ADGRL3: variants seen among roughly 807,000 people sequenced by gnomAD.
ADGRL3 encodes the protein calcium-independent alpha-latrotoxin receptor 3.
ADGRL3 carries 62 observed loss-of-function variants against 153.5 expected under a neutral mutation model. The ratio of observed to expected loss-of-function variants is 0.40; its 90% CI spans 0.33 to 0.50. ADGRL3 has a LOEUF of 0.50. ADGRL3 is among the 20% of genes least tolerant of loss of function. The pLI is 0.47. For synonymous variants in ADGRL3, 710 were observed against 672.5 expected, an observed-to-expected ratio of 1.06 and a Z score of -0.86; for missense variants, 1,641 against 1,859.4, an observed-to-expected ratio of 0.88 and a Z score of 2.16.
intron 2 of ADGRL3, among the ~76,000 whole-genome samples, chr4:61,423,439 A>G (rs1356581224): frequency 6.6e-6 from 1 of 152,228 alleles, no homozygotes; most frequent in East Asian, 1.9e-4. Context: ...GGGAAAGTGT[A>G]TAGGAGTTTA....
chr4:61,954,644 C>T (rs2098959485), intron 17 of ADGRL3, among the ~76,000 whole-genome samples: 1 of 151,984 alleles, frequency 6.6e-6, no homozygotes, highest in Non-Finnish European at 1.5e-5. Flanking sequence ...CTGCTCTAGC[C>T]ACTGGCCTCC....
At chr4:61,631,498 T>C (rs2093164073) in intron 5 of ADGRL3, among the ~76,000 whole-genome samples, 1 of 152,174 alleles carries the variant, frequency 6.6e-6, no homozygotes, top group Non-Finnish European at 1.5e-5. Flanking sequence ...AAGACTGGTG[T>C]TGTATAGATC....
intron 17 of ADGRL3, among the ~76,000 whole-genome samples, chr4:61,949,964 G>A (rs1233649643): frequency 6.6e-6 from 1 of 152,018 alleles, no homozygotes; most frequent in Admixed American, 6.6e-5. Context: ...ATATTTCATT[G>A]TGGAAAGAAA....
intron 5 of ADGRL3, among the ~76,000 whole-genome samples, chr4:61,639,872 A>C (rs1246533593): frequency 6.6e-6 from 1 of 152,148 alleles, no homozygotes; most frequent in East Asian, 1.9e-4. Flanking sequence ...CTAGATTTCT[A>C]CTTAGTCTTT....
intron 1 of ADGRL3, among the ~76,000 whole-genome samples, chr4:61,240,428 G>T (rs893538116): frequency 2.0e-5 from 3 of 152,046 alleles, no homozygotes; most frequent in African/African-American, 7.2e-5. Flanking sequence ...GATCTTGCAA[G>T]ATTTCATTGT....
chr4:62,065,102 C>T (rs572404161), intron 25 of ADGRL3, among the ~76,000 whole-genome samples: 43 of 152,132 alleles, frequency 2.8e-4, no homozygotes, highest in African/African-American at 1.0e-3. Flanking sequence ...ATTGTTGAAA[C>T]ACTCCATTTG....
At chr4:61,475,808 T>G (rs558123781) in intron 2 of ADGRL3, among the ~76,000 whole-genome samples, 37 of 152,296 alleles carry the variant, frequency 2.4e-4, no homozygotes, top group African/African-American at 8.7e-4. Context: ...ATGCATTTAG[T>G]GCTGAAACCT....
At chr4:61,518,503 T>C (rs751630971) in intron 4 of ADGRL3, among the ~76,000 whole-genome samples, 3 of 152,220 alleles carry the variant, frequency 2.0e-5, no homozygotes, top group Non-Finnish European at 4.4e-5. Flanking sequence ...TGGAATACTT[T>C]GTTTCAGTCA....
intron 11 of ADGRL3, among the ~76,000 whole-genome samples, chr4:61,904,759 G>T (rs115395640): frequency 0.014 from 2,073 of 151,760 alleles, 53 homozygotes; most frequent in African/African-American, 0.048. Flanking sequence ...GACTAATTTT[G>T]CTATTCATAA....
At chr4:61,760,096 T>C (rs1368206120) in intron 8 of ADGRL3, among the ~76,000 whole-genome samples, 2 of 151,472 alleles carry the variant, frequency 1.3e-5, no homozygotes, top group African/African-American at 2.4e-5. Flanking sequence ...CCAGTTAGGC[T>C]ACTCAGGGGT....
At chr4:61,970,164 T>C (rs2099021701) in intron 17 of ADGRL3, among the ~76,000 whole-genome samples, 1 of 152,154 alleles carries the variant, frequency 6.6e-6, no homozygotes, top group African/African-American at 2.4e-5. Flanking sequence ...TCACAGTGTT[T>C]TATAGAATTA....
intron 2 of ADGRL3, among the ~76,000 whole-genome samples, chr4:61,485,577 A>T (rs781170017): frequency 6.6e-6 from 1 of 152,188 alleles, no homozygotes; most frequent in African/African-American, 2.4e-5. Flanking sequence ...AAACTATGTT[A>T]TGTTAACCTA....
Position 61,517,309 on chromosome 4 carries a change from C to T in ADGRL3, c.56-6C>T, listed in dbSNP as rs927607905. On this transcript the variant is annotated splice_region_variant and splice_polypyrimidine_tract_variant and intron_variant, in intron 3 of 26. Transcript: ENST00000683033. ...GGTCTGATGGTGCGCCCTGCGGTCCCCGCAGGTGGCAAGCACAGTGAACGA... is the reference window on the plus strand; with the variant it reads ...GGTCTGATGGTGCGCCCTGCGGTCCTCGCAGGTGGCAAGCACAGTGAACGA... 1 of 702,360 alleles carries T rather than the reference C, an allele frequency of 1.4e-6. No homozygotes were observed. Among genetic ancestry groups the T allele is most frequent in the African/African-American group, 1.7e-5 (1 of 57,248 alleles). The allele number at this position is 702,360 out of a possible 1,614,324, so 43.5% of individuals were successfully genotyped here. A position where few individuals can be genotyped will look rare whatever the true frequency, so the allele number is the denominator to read the frequency against.
intron 1 of ADGRL3, among the ~76,000 whole-genome samples, chr4:61,255,137 C>G (rs1347429029): frequency 6.6e-6 from 1 of 152,140 alleles, no homozygotes; most frequent in Non-Finnish European, 1.5e-5. Flanking sequence ...CTGCTAAATT[C>G]ATTTGTTGCT....
chr4:61,379,374 T>C (rs1489311196), intron 1 of ADGRL3, among the ~76,000 whole-genome samples: 1 of 152,076 alleles, frequency 6.6e-6, no homozygotes, highest in African/African-American at 2.4e-5. Flanking sequence ...TACTTCTTTT[T>C]ACAAATCATA....
At chr4:61,280,399 G>A (rs1379481262) in intron 1 of ADGRL3, among the ~76,000 whole-genome samples, 2 of 128,214 alleles carry the variant, frequency 1.6e-5, no homozygotes, top group South Asian at 2.9e-4. Context: ...GAGCCACTGC[G>A]CCTGGCCTTT....
intron 5 of ADGRL3, among the ~76,000 whole-genome samples, chr4:61,591,353 G>A (rs1162062993): frequency 1.3e-5 from 2 of 152,150 alleles, no homozygotes; most frequent in South Asian, 2.1e-4. Context: ...TTAGAATATT[G>A]TTATCACCAC....
intron 9 of ADGRL3, among the ~76,000 whole-genome samples, chr4:61,882,875 G>A (rs1372516895): frequency 1.3e-5 from 2 of 152,200 alleles, no homozygotes; most frequent in African/African-American, 4.8e-5. Flanking sequence ...GGAGGCCGAG[G>A]TGGTGGATTG....
chr4:61,979,281 C>T (rs576141201), intron 17 of ADGRL3, among the ~76,000 whole-genome samples: 66 of 152,276 alleles, frequency 4.3e-4, no homozygotes, highest in East Asian at 1.3e-3. Context: ...AGAATTAAGT[C>T]GGTCTGCTTT....
Sources: allele counts gnomAD v4.1 joint callset (sites outside exome capture counted in the v4.1 genomes callset), GRCh38; gene constraint gnomAD v4.1.1; transcripts MANE v1.5; gene names NCBI Gene and HGNC (gene_info 2026-07-23, HGNC 2026-07-21).